OR14A16: variants seen among roughly 807,000 people sequenced by gnomAD.
The protein encoded by OR14A16 is olfactory receptor 14A16.
For synonymous variants in OR14A16, 135 were observed against 137.6 expected (o/e 0.98, Z 0.13); for missense variants, 341 against 366.5 (o/e 0.93, Z 0.57).
intron 1 of OR14A16, among the ~76,000 whole-genome samples, chr1:247,819,747 A>G (rs572443369): frequency 6.6e-6 from 1 of 152,250 alleles, no homozygotes; most frequent in African/African-American, 2.4e-5. Flanking sequence ...ATAAAATATT[A>G]TTTGTTATGG....
chr1:247,820,856 G>A (rs1219934776), intron 1 of OR14A16, among the ~76,000 whole-genome samples: 20 of 129,326 alleles, frequency 1.5e-4, no homozygotes, highest in African/African-American at 4.1e-4. Context: ...GTAAAGCACC[G>A]TCTCAAAAAA....
At chr1:247,817,495 T>G (rs1662645841) in intron 2 of OR14A16, among the ~76,000 whole-genome samples, 1 of 152,186 alleles carries the variant, frequency 6.6e-6, no homozygotes. Context: ...ACAGCATCAC[T>G]AATAGTCCCC....
At position 247,815,242 on chromosome 1, in the gene OR14A16, G is replaced by A. The variant is rs113112592; in HGVS notation, c.488C>T (p.Ser163Phe). The change falls in exon 3 of 3, where the codon TCC becomes TTC. Residue 163 changes from serine (S) to phenylalanine (F), a missense_variant. Physicochemically the swap from Ser to Phe is radical, Grantham distance 155. Transcript: ENST00000641093. ...CATGTTGGACCCACAGTAGGATAAG[G>A]AGAAGGTGCCAGCTGTGTGCATCAC... Reference protein sequence around the residue: ...IAVMHTAGTFSLSYCGSNMVH... With the variant: ...IAVMHTAGTFFLSYCGSNMVH... 1 of 62,756 alleles carries A rather than the reference G, an allele frequency of 1.6e-5. No homozygotes were observed. 3.9% of individuals were successfully genotyped at this position (62,756 alleles called of 1,614,324 possible).
intron 1 of OR14A16, among the ~76,000 whole-genome samples, 168 bp from the exon 2 acceptor site, chr1:247,819,345 G>T (rs959660954): frequency 3.3e-5 from 5 of 152,034 alleles, no homozygotes; most frequent in East Asian, 3.9e-4. Flanking sequence ...GAACACAGGT[G>T]GGGGTATAAC....
At chr1:247,823,475 T>G (rs1662780742) in intron 1 of OR14A16, among the ~76,000 whole-genome samples, 1 of 152,176 alleles carries the variant, frequency 6.6e-6, no homozygotes, top group Non-Finnish European at 1.5e-5. Context: ...CACTCCAGCC[T>G]GGGTGACAGA....
Position 247,816,638 on chromosome 1 carries a change from T to G in OR14A16, c.-15-894A>C, listed in dbSNP as rs564136880. 3.5e-3 allele frequency among the ~76,000 whole-genome samples: 528 copies of G among 151,996 alleles called. 1 individual carries two copies. The highest frequency in any genetic ancestry group is 0.012 in the African/African-American group (511 of 41,468). ...TGCTACTTGGGAGGCTGAGGCAGGGTGAATCACTTGAACCTGGGAGGCGGA... is the reference window on the plus strand; with the variant it reads ...TGCTACTTGGGAGGCTGAGGCAGGGGGAATCACTTGAACCTGGGAGGCGGA... On this transcript the variant is annotated intron_variant, in intron 2 of 2. Transcript: ENST00000641093.
At chr1:247,818,391 T>C (rs1013227084) in intron 2 of OR14A16, among the ~76,000 whole-genome samples, 5 of 152,224 alleles carry the variant, frequency 3.3e-5, no homozygotes, top group African/African-American at 1.2e-4. Flanking sequence ...GCTAGGTATA[T>C]AACTGAATGA....
intron 2 of OR14A16, among the ~76,000 whole-genome samples, chr1:247,818,736 G>C (rs1341276354): frequency 1.3e-5 from 2 of 152,124 alleles, no homozygotes; most frequent in Non-Finnish European, 2.9e-5. Context: ...GAGGAAAGTA[G>C]CAATAGTTAA....
intron 1 of OR14A16, among the ~76,000 whole-genome samples, chr1:247,822,979 T>C (rs1291849799): frequency 2.0e-5 from 3 of 152,224 alleles, no homozygotes; most frequent in African/African-American, 7.2e-5. Flanking sequence ...TTTTGTAAAA[T>C]AAAATTAAGG....
Position 247,815,077 on chromosome 1 carries a change from T to C in OR14A16, c.653A>G (p.His218Arg), listed in dbSNP as rs370266570. 1.5e-5 allele frequency: 25 copies of C among 1,613,768 alleles called. No homozygotes were observed. Among genetic ancestry groups the C allele is most frequent in the Non-Finnish European group, 1.7e-5 (20 of 1,179,816 alleles). The stretch of plus-strand genomic sequence containing the variant: ...GATCTTCTTGACTGTAGAGAAGACG[T>C]GGACATAGGTAATGATGATGACAAT... ...CFIVIIITYV[H>R]VFSTVKKIPS... Residue 218 changes from histidine (H) to arginine (R), a missense_variant, in exon 3 of 3, where the codon CAC becomes CGC. Coordinates refer to ENST00000641093, the MANE Select transcript of OR14A16 (RefSeq NM_001001966.2).
chr1:247,822,314 C>CG (rs371967853), intron 1 of OR14A16, among the ~76,000 whole-genome samples: 25 of 16,374 alleles, frequency 1.5e-3, no homozygotes, highest in African/African-American at 0.011. Flanking sequence ...GTGTGTGTGG[C>CG]GGGGGGGGAG....
intron 2 of OR14A16, among the ~76,000 whole-genome samples, chr1:247,818,480 T>G (rs1662667808): frequency 6.6e-6 from 1 of 152,156 alleles, no homozygotes; most frequent in Non-Finnish European, 1.5e-5. Flanking sequence ...ATGAGTAGAT[T>G]TTAAAAATGT....
In OR14A16 at chr1:247,815,354, G is replaced by T. The variant is rs765149036; in HGVS notation, c.376C>A (p.His126Asn). 6.2e-7 allele frequency: 1 copy of T among 1,613,990 alleles called. No homozygotes were observed. The highest frequency in any genetic ancestry group is 1.1e-5 in the South Asian group (1 of 91,066). Residue 126 changes from histidine (H) to asparagine (N), a missense_variant, in exon 3 of 3, where the codon CAC becomes AAC. By Grantham distance (68) the His-to-Asn change is moderately conservative (BLOSUM62 1). Coordinates refer to ENST00000641093, the MANE Select transcript of OR14A16 (RefSeq NM_001001966.2). Reference protein sequence around the residue: ...MSFDRYTAICHPLHYDVIMDR... With the variant: ...MSFDRYTAICNPLHYDVIMDR... The stretch of plus-strand genomic sequence containing the variant: ...ATGATGACATCATAGTGCAGAGGGT[G>T]ACATATAGCAGTATAGCGGTCAAAG...
In OR14A16 at chr1:247,814,775, A is replaced by G. The variant is rs772717622; in HGVS notation, c.*25T>C. On this transcript the variant is annotated 3_prime_UTR_variant, in exon 3 of 3. Coordinates refer to ENST00000641093, the MANE Select transcript of OR14A16 (RefSeq NM_001001966.2). ...GTGTACATTATAAATGGTATCTATT[A>G]TTGAAAGAAGAAAAGCAACAGCTTT... The G allele has an allele frequency of 1.5e-6, 2 of 1,350,516 alleles. No homozygotes were observed. Among genetic ancestry groups the G allele is most frequent in the Non-Finnish European group, 2.0e-6 (2 of 987,138 alleles). The allele number at this position is 1,350,516 out of a possible 1,614,324, so 83.7% of individuals were successfully genotyped here. A position where few individuals can be genotyped will look rare whatever the true frequency, so the allele number is the denominator to read the frequency against.
intron 1 of OR14A16, among the ~76,000 whole-genome samples, chr1:247,820,531 G>A (rs554068059): frequency 1.3e-5 from 2 of 151,926 alleles, no homozygotes; most frequent in East Asian, 1.9e-4. Flanking sequence ...AGGTTCTTGA[G>A]CATAATGTTA....
chr1:247,815,809 TAACAC>T, intron 2 of OR14A16, 65 bp from the exon 3 acceptor site: 6 of 643,452 alleles, frequency 9.3e-6, no homozygotes, highest in Non-Finnish European at 1.3e-5. Context: ...TAAATATATA[TAACAC>T]ATATATTATT....
chr1:247,814,777 T>A lies in OR14A16; in HGVS notation c.*23A>T, dbSNP rs72777548. On this transcript the variant is annotated 3_prime_UTR_variant, in exon 3 of 3. Coordinates refer to ENST00000641093, the MANE Select transcript of OR14A16 (RefSeq NM_001001966.2). Reference sequence around the variant, plus strand: ...GTACATTATAAATGGTATCTATTATTGAAAGAAGAAAAGCAACAGCTTTTA... The same window carrying A: ...GTACATTATAAATGGTATCTATTATAGAAAGAAGAAAAGCAACAGCTTTTA... 95,450 of 1,386,826 alleles carry A rather than the reference T, an allele frequency of 0.069. 4,299 individuals carry two copies. Among genetic ancestry groups the A allele is most frequent in the African/African-American group, 0.19 (13,008 of 69,430 alleles). 85.9% of individuals were successfully genotyped at this position (1,386,826 alleles called of 1,614,324 possible).
At chr1:247,820,729 G>A (rs997630645) in intron 1 of OR14A16, among the ~76,000 whole-genome samples, 1 of 151,692 alleles carries the variant, frequency 6.6e-6, no homozygotes, top group African/African-American at 2.4e-5. Context: ...GCGTGGTGGT[G>A]CATGCCCGTA....
chr1:247,814,831 A>G lies in OR14A16; in HGVS notation c.899T>C (p.Met300Thr). ...TTTGGTGAGCTTTCCCTTTATCAAC[A>G]TCCCCAGAGCCACCTTTATGGCCTT... is the stretch of plus-strand genomic sequence containing the variant. ...RNKAIKVALG[M>T]LIKGKLTKK The change falls in exon 3 of 3, where the codon ATG becomes ACG. Residue 300 changes from methionine to threonine, a missense_variant. Physicochemically the swap from Met to Thr is moderately conservative, Grantham distance 81 (BLOSUM62 -1). Transcript: ENST00000641093. 6.3e-7 allele frequency: 1 copy of G among 1,575,132 alleles called. No homozygotes were observed. Among genetic ancestry groups the G allele is most frequent in the Non-Finnish European group, 8.6e-7 (1 of 1,166,776 alleles).
Sources: gnomAD v4.1 joint callset for allele counts (sites outside exome capture counted in the v4.1 genomes callset) on GRCh38, gnomAD v4.1.1 for gene constraint, MANE v1.5 for transcripts, NCBI Gene and HGNC (gene_info 2026-07-23, HGNC 2026-07-21) for gene names.